MEX3D: variants seen among roughly 807,000 people sequenced by gnomAD.
The protein encoded by MEX3D is mex-3 RNA binding family member D.
Under a neutral mutation model 6.3 loss-of-function variants are expected in MEX3D, and 4 were observed. The ratio of observed to expected loss-of-function variants is 0.64; its 90% CI spans 0.31 to 1.46. The LOEUF is 1.46. Ranked by LOEUF, MEX3D falls within the 40% of genes most tolerant of loss-of-function variation. The probability of loss-of-function intolerance (pLI) is 0.07; values close to 1 mark genes in which losing one functional copy is unlikely to be tolerated. For synonymous variants in MEX3D, 626 were observed against 494.1 expected (o/e 1.27, Z -3.54); for missense variants, 1,038 against 994.4 (o/e 1.04, Z -0.59).
At position 1,567,942 on chromosome 19, in the gene MEX3D, G is replaced by A; in HGVS notation, c.117C>T (p.Ala39=). The A allele has an allele frequency of 1.0e-6, 1 of 978,272 alleles. No homozygotes were observed. Among genetic ancestry groups the A allele is most frequent in the Non-Finnish European group, 1.2e-6 (1 of 826,990 alleles). The allele number at this position is 978,272 out of a possible 1,614,324, so 60.6% of individuals were successfully genotyped here. ...GCCGGGGCGCGGGCGCGGCCTCCTG[G>A]GCGCCCTCGGGCGGGGGCGCAGGTC... ...GPGPAPPPEG[A]QEAAPAPRPP... The change falls in exon 1 of 2, where the codon GCC becomes GCT. Residue 39 remains alanine (A), a synonymous_variant. Transcript: ENST00000402693. The surrounding 1 kb of genome is among the most constrained non-coding windows in gnomAD (Gnocchi z 6.5).
In MEX3D at chr19:1,556,937, A is replaced by G; in HGVS notation, c.596-14T>C. On this transcript the variant is annotated splice_polypyrimidine_tract_variant and intron_variant, in intron 1 of 1. Transcript: ENST00000402693. This position sits in a 1 kb window ranked among gnomAD's most constrained non-coding sequence, Gnocchi z 7.5. ...TGATCTTGCAGCCTGTCCGGGAGGGAGGGGAAGGACAAGGTGACCCAGAGC... is the reference window on the plus strand; with the variant it reads ...TGATCTTGCAGCCTGTCCGGGAGGGGGGGGAAGGACAAGGTGACCCAGAGC... The G allele has an allele frequency of 6.3e-7, 1 of 1,584,288 alleles. No homozygotes were observed. The highest frequency in any genetic ancestry group is 8.6e-7 in the Non-Finnish European group (1 of 1,168,182).
Position 1,556,719 on chromosome 19 carries a change from G to C in MEX3D, c.800C>G (p.Pro267Arg). The C allele has an allele frequency of 6.2e-7, 1 of 1,611,116 alleles. No individual in the cohort carries two copies. The highest frequency in any genetic ancestry group is 8.5e-7 in the Non-Finnish European group (1 of 1,179,024). Residue 267 changes from proline (P) to arginine (R), a missense_variant, in exon 2 of 2, where the codon CCG becomes CGG. Around this residue, in one of 5 missense-constraint regions of MEX3D, gnomAD observed 52 missense variants for 37.4 expected, o/e 1.39. Coordinates refer to ENST00000402693, the MANE Select transcript of MEX3D (RefSeq NM_203304.4). The surrounding 1 kb of genome is among the most constrained non-coding windows in gnomAD (Gnocchi z 7.5). The stretch of plus-strand genomic sequence containing the variant: ...GGTGGTCTGTCCGGGAAGGTTGGGC[G>C]GGCCCTGGGCGGCGCCGGGCAGACC... Reference protein sequence around the residue: ...AGGLPGAAQGPPNLPGQTTIQ... With the variant: ...AGGLPGAAQGRPNLPGQTTIQ...
intron 1 of MEX3D, among the ~76,000 whole-genome samples, chr19:1,558,255 C>G (rs1382547336): frequency 6.6e-6 from 1 of 151,596 alleles, no homozygotes; most frequent in African/African-American, 2.4e-5. Flanking sequence ...GTCTTAGCTA[C>G]TCAGGAGGCT....
Position 1,564,071 on chromosome 19 carries a change from G to C in MEX3D, c.595+3393C>G, listed in dbSNP as rs78255016. Among the ~76,000 whole-genome samples the C allele has an allele frequency of 5.7e-3, 861 of 151,940 alleles. 3 individuals are homozygous for C. The highest frequency in any genetic ancestry group is 8.9e-3 in the Non-Finnish European group (608 of 67,974). On this transcript the variant is annotated intron_variant, in intron 1 of 1. Coordinates refer to ENST00000402693, the MANE Select transcript of MEX3D (RefSeq NM_203304.4). ...GATCCTCCTGCCTCAGCCTCTCTGA[G>C]TGCTGCTATCCCCTCAGTTTTTACC...
intron 1 of MEX3D, among the ~76,000 whole-genome samples, chr19:1,564,269 A>G (rs925202035): frequency 6.6e-5 from 10 of 151,908 alleles, no homozygotes; most frequent in Admixed American, 4.6e-4. Flanking sequence ...GCAGTGGCTC[A>G]CACCTGTAGT....
At chr19:1,566,229 C>T (rs1401279760) in intron 1 of MEX3D, among the ~76,000 whole-genome samples, 1 of 152,172 alleles carries the variant, frequency 6.6e-6, no homozygotes, top group African/African-American at 2.4e-5. Flanking sequence ...CCCACCACTC[C>T]AGAGCATGCT....
rs1441074357 is a variant in MEX3D, at chr19:1,567,640, C to A, written c.419G>T (p.Arg140Leu). 4.0e-6 allele frequency: 5 copies of A among 1,244,752 alleles called. No homozygotes were observed. The highest frequency in any genetic ancestry group is 5.1e-6 in the Non-Finnish European group (5 of 987,982). 77.1% of individuals were successfully genotyped at this position (1,244,752 alleles called of 1,614,324 possible). The change falls in exon 1 of 2, where the codon CGG becomes CTG. Residue 140 changes from arginine to leucine, a missense_variant. By Grantham distance (102) the Arg-to-Leu change is moderately radical (BLOSUM62 -2). This residue lies in a region of MEX3D where 265 missense variants were observed against 206.3 expected (regional missense o/e 1.28). Coordinates refer to ENST00000402693, the MANE Select transcript of MEX3D (RefSeq NM_203304.4). This position sits in a 1 kb window ranked among gnomAD's most constrained non-coding sequence, Gnocchi z 6.5. ...NASPPPPPPP[R>L]PSPPDVFAGF... ...CGCGAACACGTCGGGGGGCGACGGC[C>A]GGGGCGGCGGCGGCGGCGGGGGACT...
intron 1 of MEX3D, among the ~76,000 whole-genome samples, chr19:1,562,047 G>A (rs1914731524): frequency 1.3e-5 from 2 of 151,436 alleles, no homozygotes; most frequent in Non-Finnish European, 2.9e-5. Flanking sequence ...GGATCACGAG[G>A]TCAGGAGATC....
In MEX3D at chr19:1,555,984, C is replaced by T; in HGVS notation, c.1535G>A (p.Arg512His). 6.0e-6 allele frequency: 7 copies of T among 1,176,190 alleles called. No homozygotes were observed. Among genetic ancestry groups the T allele is most frequent in the Non-Finnish European group, 6.3e-6 (6 of 951,148 alleles). The allele number at this position is 1,176,190 out of a possible 1,614,324, so 72.9% of individuals were successfully genotyped here. A position where few individuals can be genotyped will look rare whatever the true frequency, so the allele number is the denominator to read the frequency against. The change falls in exon 2 of 2, where the codon CGC becomes CAC. Residue 512 changes from arginine (R) to histidine (H), a missense_variant. By Grantham distance (29) the Arg-to-His change is conservative. This residue lies in a region of MEX3D where 581 missense variants were observed against 516.2 expected (regional missense o/e 1.13). Transcript: ENST00000402693. The part of the protein sequence containing the change: ...ARRSSGAGTP[R>H]HSPTLPEPGG... Reference sequence around the variant, plus strand: ...GGGCTCGGGCAGCGTGGGCGAGTGGCGGGGGGTCCCGGCCCCACTGCTGCG... The same window carrying T: ...GGGCTCGGGCAGCGTGGGCGAGTGGTGGGGGGTCCCGGCCCCACTGCTGCG...
At chr19:1,563,275 G>C (rs1914763456) in intron 1 of MEX3D, among the ~76,000 whole-genome samples, 1 of 152,140 alleles carries the variant, frequency 6.6e-6, no homozygotes, top group Non-Finnish European at 1.5e-5. Context: ...CAGGAACAAG[G>C]GACAGGAGGG....
Position 1,556,168 on chromosome 19 carries a change from A to T in MEX3D, c.1351T>A (p.Cys451Ser). Residue 451 changes from cysteine to serine, a missense_variant, in exon 2 of 2, where the codon TGC becomes AGC. By Grantham distance (112) the Cys-to-Ser change is moderately radical (BLOSUM62 -1). This residue lies in a region of MEX3D where 581 missense variants were observed against 516.2 expected (regional missense o/e 1.13). Coordinates refer to ENST00000402693, the MANE Select transcript of MEX3D (RefSeq NM_203304.4). This position sits in a 1 kb window ranked among gnomAD's most constrained non-coding sequence, Gnocchi z 7.5. Reference sequence around the variant, plus strand: ...AAGTCGAAGTCGAAGCCGAAGTCGCAGTCGTCGGGGGCGGCCGTCCCCACC... The same window carrying T: ...AAGTCGAAGTCGAAGCCGAAGTCGCTGTCGTCGGGGGCGGCCGTCCCCACC... ...APVGTAAPDDCDFGFDFDFLA... is the reference protein window; with the variant it reads ...APVGTAAPDDSDFGFDFDFLA... 6.8e-7 allele frequency: 1 copy of T among 1,468,356 alleles called. No individual in the cohort carries two copies. The highest frequency in any genetic ancestry group is 1.2e-5 in the South Asian group (1 of 81,454). The allele number at this position is 1,468,356 out of a possible 1,614,324, so 91.0% of individuals were successfully genotyped here.
chr19:1,560,232 C>T (rs1171982684), intron 1 of MEX3D, among the ~76,000 whole-genome samples: 3 of 152,238 alleles, frequency 2.0e-5, no homozygotes, highest in Non-Finnish European at 4.4e-5. Flanking sequence ...GCCACCCTGG[C>T]AGGTCTCACT....
chr19:1,558,961 C>T (rs983420893), intron 1 of MEX3D, among the ~76,000 whole-genome samples: 1 of 151,552 alleles, frequency 6.6e-6, no homozygotes, highest in Non-Finnish European at 1.5e-5. Context: ...ATCCCTACCC[C>T]ACCCCTGGGG....
rs777460785 is a variant in MEX3D at position 1,556,469 on chromosome 19, G to A, written c.1050C>T (p.Pro350=). ...LRTGAFTDAG[P]DSDFHANGTD... ...TGCCGTTGGCGTGGAAGTCGCTGTC[G>A]GGGCCCGCGTCGGTGAAGGCGCCAG... The change falls in exon 2 of 2, where the codon CCC becomes CCT. Residue 350 remains proline (P), a synonymous_variant. Transcript: ENST00000402693. The surrounding 1 kb of genome is among the most constrained non-coding windows in gnomAD (Gnocchi z 7.5). The A allele has an allele frequency of 2.5e-6, 4 of 1,600,766 alleles. No individual in the cohort carries two copies. The highest frequency in any genetic ancestry group is 1.7e-5 in the Admixed American group (1 of 59,812).
chr19:1,567,857 C>T lies in MEX3D; in HGVS notation c.202G>A (p.Ala68Thr). ...TCGCCAGCGCCCCCCAGCCCGAGCG[C>T]CGACAGCTGGTCCAGCGCCAGGCGG... ...ALRLALDQLS[A>T]LGLGGAGDTD... Residue 68 changes from alanine (A) to threonine (T), a missense_variant, in exon 1 of 2, where the codon GCG becomes ACG. By Grantham distance (58) the Ala-to-Thr change is moderately conservative. Around this residue, in one of 5 missense-constraint regions of MEX3D, gnomAD observed 265 missense variants for 206.3 expected, o/e 1.28. Transcript: ENST00000402693. This position sits in a 1 kb window ranked among gnomAD's most constrained non-coding sequence, Gnocchi z 6.5. 1.0e-6 allele frequency: 1 copy of T among 1,002,902 alleles called. No individual in the cohort carries two copies. Among genetic ancestry groups the T allele is most frequent in the Non-Finnish European group, 1.2e-6 (1 of 842,912 alleles). 62.1% of individuals were successfully genotyped at this position (1,002,902 alleles called of 1,614,324 possible).
At position 1,568,286 on chromosome 19, in the gene MEX3D, A is replaced by ACGG. The variant is rs1013195245; in HGVS notation, c.-231_-229dup. Among the ~76,000 whole-genome samples the ACGG allele has an allele frequency of 1.6e-4, 21 of 130,214 alleles. No homozygotes were observed. The highest frequency in any genetic ancestry group is 4.5e-4 in the African/African-American group (16 of 35,948). 85.4% of individuals were successfully genotyped at this position (130,214 alleles called of 152,430 possible). A position where few individuals can be genotyped will look rare whatever the true frequency, so the allele number is the denominator to read the frequency against. Reference sequence around the variant, plus strand: ...TGGCTGCGGCTCGGCGGCGGCGGCGACGGCGGCGGCGGCTCCTCGGCGGCC... The same window carrying ACGG: ...TGGCTGCGGCTCGGCGGCGGCGGCGACGGCGGCGGCGGCGGCTCCTCGGCGGCC... On this transcript the variant is annotated 5_prime_UTR_variant, in exon 1 of 2. Coordinates refer to ENST00000402693, the MANE Select transcript of MEX3D (RefSeq NM_203304.4).
In MEX3D at chr19:1,567,566, C is replaced by A. The variant is rs1336075332; in HGVS notation, c.493G>T (p.Asp165Tyr). The change falls in exon 1 of 2, where the codon GAC becomes TAC. Residue 165 changes from aspartate to tyrosine, a missense_variant. Physicochemically the swap from Asp to Tyr is radical, Grantham distance 160 (BLOSUM62 -3). Coordinates refer to ENST00000402693, the MANE Select transcript of MEX3D (RefSeq NM_203304.4). The surrounding 1 kb of genome is among the most constrained non-coding windows in gnomAD (Gnocchi z 6.5). ...AALGPPTLLA[D>Y]QMSVIGSRKK... ...CGGCTGCCGATCACGCTCATCTGGT[C>A]GGCCAGCAGCGTCGGGGGCCCCAGG... 2 of 1,517,070 alleles carry A rather than the reference C, an allele frequency of 1.3e-6. No homozygotes were observed. The highest frequency in any genetic ancestry group is 1.8e-6 in the Non-Finnish European group (2 of 1,134,990). 94.0% of individuals were successfully genotyped at this position (1,517,070 alleles called of 1,614,324 possible). A position where few individuals can be genotyped will look rare whatever the true frequency, so the allele number is the denominator to read the frequency against.
intron 1 of MEX3D, among the ~76,000 whole-genome samples, chr19:1,557,271 A>C (rs988528891): frequency 6.6e-6 from 1 of 152,164 alleles, no homozygotes; most frequent in Non-Finnish European, 1.5e-5. Context: ...GTATTAATTT[A>C]ATACGTAGGG....
At chr19:1,560,739 G>C (rs989612248) in intron 1 of MEX3D, among the ~76,000 whole-genome samples, 2 of 152,146 alleles carry the variant, frequency 1.3e-5, no homozygotes, top group African/African-American at 4.8e-5. Flanking sequence ...CGGTGGCGCT[G>C]GGTGGAGACC....
Sources: allele counts gnomAD v4.1 joint callset (sites outside exome capture counted in the v4.1 genomes callset), GRCh38; gene constraint gnomAD v4.1.1; regional missense constraint gnomAD v4.1.1; non-coding constraint Gnocchi (gnomAD v3.1); transcripts MANE v1.5; gene names NCBI Gene and HGNC (gene_info 2026-07-23, HGNC 2026-07-21).